Variants in CPLANE1 observed in about 807,000 individuals in gnomAD.
CPLANE1 encodes the protein ciliogenesis and planar polarity effector complex subunit 1, also known as ciliogenesis and planar polarity effector 1.
A neutral mutation model predicts 362.5 loss-of-function variants in CPLANE1; 263 were observed. The observed-to-expected ratio is 0.73, with a 90% CI of 0.66 to 0.80. The LOEUF (loss-of-function observed/expected upper bound fraction) is 0.80. Ranked by LOEUF, CPLANE1 falls within the 30% of genes least tolerant of loss-of-function variation. The pLI, the probability that CPLANE1 is intolerant of heterozygous loss-of-function variation, is 0.00. For missense variants in CPLANE1, 3,461 were observed against 3,793.4 expected, an observed-to-expected ratio of 0.91 and a Z score of 2.30; for synonymous variants, 1,212 against 1,302.6, an observed-to-expected ratio of 0.93 and a Z score of 1.50.
intron 36 of CPLANE1, among the ~76,000 whole-genome samples, chr5:37,164,643 A>G (rs1189789069): frequency 6.6e-6 from 1 of 152,232 alleles, no homozygotes; most frequent in Non-Finnish European, 1.5e-5. Context: ...AAAATCTTTC[A>G]TGGACTCAAC....
chr5:37,159,941 T>C (rs755248182), intron 38 of CPLANE1, among the ~76,000 whole-genome samples: 9 of 152,080 alleles, frequency 5.9e-5, no homozygotes, highest in Non-Finnish European at 8.8e-5. Flanking sequence ...CTTCCTTATC[T>C]TGTAGTACAT....
intron 15 of CPLANE1, among the ~76,000 whole-genome samples, chr5:37,216,642 G>A (rs1343152201): frequency 6.6e-6 from 1 of 152,224 alleles, no homozygotes; most frequent in East Asian, 1.9e-4. Flanking sequence ...TAACTCCAAA[G>A]TGCACTAGCA....
intron 18 of CPLANE1, among the ~76,000 whole-genome samples, chr5:37,204,131 T>C (rs1334579100): frequency 2.0e-5 from 3 of 152,240 alleles, no homozygotes; most frequent in African/African-American, 7.2e-5. Context: ...GTCCCTTCTT[T>C]AAAATCCAAC....
chr5:37,156,197 C>T (rs554921299), intron 41 of CPLANE1, among the ~76,000 whole-genome samples: 6 of 152,312 alleles, frequency 3.9e-5, no homozygotes, highest in Admixed American at 3.9e-4. Context: ...AGGTCCATAC[C>T]TCACAACCAC....
At chr5:37,154,088 CACA>C (rs2150627046) in intron 41 of CPLANE1, 95 bp from the exon 42 acceptor site, 1 of 1,025,594 alleles carries the variant, frequency 9.8e-7, no homozygotes, top group East Asian at 2.6e-5. Context: ...TTTAAACCAA[CACA>C]ACACTACTTT....
downstream of CPLANE1, among the ~76,000 whole-genome samples, chr5:37,104,467 G>A (rs114570206): frequency 2.0e-5 from 3 of 151,426 alleles, no homozygotes; most frequent in African/African-American, 7.3e-5. Context: ...GGGCATGATG[G>A]CACGTGCCTT....
intron 50 of CPLANE1, among the ~76,000 whole-genome samples, chr5:37,117,351 TGTA>T (rs1001923010): frequency 1.3e-5 from 2 of 151,038 alleles, no homozygotes; most frequent in African/African-American, 2.4e-5. Context: ...GGACACCTGT[TGTA>T]GTGCTTCAAG....
Position 37,142,404 on chromosome 5 carries a change from T to A in CPLANE1, c.8538A>T (p.Thr2846=). Residue 2846 remains threonine (T), a synonymous_variant, in exon 44 of 53, where the codon ACA becomes ACT. Transcript: ENST00000651892. The stretch of plus-strand genomic sequence containing the variant: ...AGGTTTTCTGACCAGAATAATTTTC[T>A]GTTATTGAAAATTCAGGTTCTGAAG... ...KETSEPEFSI[T]ENYSGQKTCV... is the part of the protein sequence containing the mutation. 1.2e-6 allele frequency: 2 copies of A among 1,611,560 alleles called. No homozygotes were observed. Among genetic ancestry groups the A allele is most frequent in the Non-Finnish European group, 1.7e-6 (2 of 1,179,016 alleles).
At position 37,139,320 on chromosome 5, in the gene CPLANE1, T is replaced by G; in HGVS notation, c.8663+20A>C. The stretch of plus-strand genomic sequence containing the variant: ...ACCCAACTTTAAAGAAAATTGTGAA[T>G]TAACTCTTAAGATATTTACCTCTCA... On this transcript the variant is annotated intron_variant, in intron 45 of 52. Coordinates refer to ENST00000651892, the MANE Select transcript of CPLANE1 (RefSeq NM_001384732.1). The G allele has an allele frequency of 7.3e-7, 1 of 1,363,128 alleles. No individual in the cohort carries two copies. Among genetic ancestry groups the G allele is most frequent in the African/African-American group, 1.5e-5 (1 of 66,096 alleles). The allele number at this position is 1,363,128 out of a possible 1,614,324, so 84.4% of individuals were successfully genotyped here. A position where few individuals can be genotyped will look rare whatever the true frequency, so the allele number is the denominator to read the frequency against.
At position 37,224,651 on chromosome 5, in the gene CPLANE1, A is replaced by G. The variant is rs1421753296; in HGVS notation, c.2381T>C (p.Leu794Ser). ...TGCTTCATGTGTCATCTTTTCAGTT[A>G]ACTGACTATCAGCTTCAGGAACTCT... ...NRRVPEADSQ[L>S]TEKMTHEAST... is the part of the protein sequence containing the mutation. The change falls in exon 13 of 53, where the codon TTA becomes TCA. Residue 794 changes from leucine to serine, a missense_variant. By Grantham distance (145) the Leu-to-Ser change is moderately radical (BLOSUM62 -2). This residue lies in a region of CPLANE1 where 3,380 missense variants were observed against 3,666.1 expected (regional missense o/e 0.92). Coordinates refer to ENST00000651892, the MANE Select transcript of CPLANE1 (RefSeq NM_001384732.1). 1 of 1,551,492 alleles carries G rather than the reference A, an allele frequency of 6.4e-7. No individual in the cohort carries two copies. Among genetic ancestry groups the G allele is most frequent in the South Asian group, 1.2e-5 (1 of 84,058 alleles).
chr5:37,119,820 C>A (rs893722052), intron 50 of CPLANE1, among the ~76,000 whole-genome samples: 22 of 150,620 alleles, frequency 1.5e-4, no homozygotes, highest in African/African-American at 4.9e-4. Flanking sequence ...CCCGTCTCTA[C>A]TAAAAAAATA....
chr5:37,247,574 T>C, intron 2 of CPLANE1, 44 bp downstream of exon 2: 3 of 1,491,550 alleles, frequency 2.0e-6, no homozygotes, highest in Middle Eastern at 1.7e-4. Flanking sequence ...AACACACATA[T>C]AACATATATA....
At chr5:37,109,041 T>C (rs1758383908) in intron 51 of CPLANE1, among the ~76,000 whole-genome samples, 1 of 152,240 alleles carries the variant, frequency 6.6e-6, no homozygotes. Context: ...AAGGTTTCTC[T>C]GCACAAAGCC....
chr5:37,153,680 T>C (rs1197040502), intron 42 of CPLANE1, 60 bp downstream of exon 42: 3 of 1,519,164 alleles, frequency 2.0e-6, no homozygotes, highest in Non-Finnish European at 2.7e-6. Context: ...CAAAGTTATA[T>C]CACACTACAA....
the CPLANE1 span, among the ~76,000 whole-genome samples, chr5:37,096,080 T>C: frequency 1.3e-5 from 2 of 152,110 alleles, no homozygotes; most frequent in African/African-American, 2.4e-5. Flanking sequence ...AAAACAATTC[T>C]AAAATTCATA....
chr5:37,094,480 G>A, the CPLANE1 span, among the ~76,000 whole-genome samples: 1 of 152,178 alleles, frequency 6.6e-6, no homozygotes, highest in Admixed American at 6.6e-5. Context: ...ACATCAGATA[G>A]TCTGAAAGAG....
rs7712558 is a variant in CPLANE1, at chr5:37,107,161, T to G, written c.*441A>C. 2,881 of 985,682 alleles carry G rather than the reference T, an allele frequency of 2.9e-3. 59 individuals are homozygous for G. The African/African-American group carries it at 0.044, about 15-fold the overall frequency. The allele number at this position is 985,682 out of a possible 1,614,324, so 61.1% of individuals were successfully genotyped here. On this transcript the variant is annotated 3_prime_UTR_variant, in exon 53 of 53. Transcript: ENST00000651892. ...CCTGCATAGGTGTTTTAAAATAGGGTTCATAATTGAGTTCTCAGGTGAGAC... is the reference window on the plus strand; with the variant it reads ...CCTGCATAGGTGTTTTAAAATAGGGGTCATAATTGAGTTCTCAGGTGAGAC...
intron 41 of CPLANE1, among the ~76,000 whole-genome samples, chr5:37,154,884 G>A (rs912339646): frequency 2.6e-5 from 4 of 152,062 alleles, no homozygotes; most frequent in African/African-American, 9.7e-5. Flanking sequence ...CACTGCTTCT[G>A]CCCCTCCAAA....
intron 14 of CPLANE1, 139 bp from the exon 15 acceptor site, chr5:37,221,627 G>T: frequency 2.2e-6 from 1 of 461,482 alleles, no homozygotes; most frequent in Non-Finnish European, 3.6e-6. Context: ...TTCTGCATCT[G>T]TTTCACACTT....
Sources: gnomAD v4.1 joint callset for allele counts (sites outside exome capture counted in the v4.1 genomes callset) on GRCh38, gnomAD v4.1.1 for gene constraint, gnomAD v4.1.1 regional missense constraint, MANE v1.5 for transcripts, NCBI Gene and HGNC (gene_info 2026-07-23, HGNC 2026-07-21) for gene names.